LAMA2: variants seen among roughly 807,000 people sequenced by gnomAD.
The protein encoded by LAMA2 is laminin subunit alpha-2.
In LAMA2, 269 loss-of-function variants were observed where a neutral mutation model predicts 364.8. The ratio of observed to expected loss-of-function variants is 0.74; its 90% confidence interval spans 0.67 to 0.82. LAMA2 has a LOEUF of 0.82. LAMA2 is among the 40% of genes least tolerant of loss of function. The probability of loss-of-function intolerance (pLI) is 0.00; values close to 1 mark genes in which losing one functional copy is unlikely to be tolerated. For synonymous variants in LAMA2, 1,379 were observed against 1,370.6 expected, an observed-to-expected ratio of 1.01 and a Z score of -0.14; for missense variants, 3,807 against 3,873.2, an observed-to-expected ratio of 0.98 and a Z score of 0.45.
At position 129,050,077 on chromosome 6, in the gene LAMA2, G is replaced by C; in HGVS notation, c.272G>C (p.Ser91Thr). Residue 91 changes from serine to threonine, a missense_variant, in exon 2 of 65, where the codon AGC becomes ACC. Transcript: ENST00000421865. ...TGTCGAATCTGCAATCAAAACAGCA[G>C]CAATCCAAACCGTATGTATTTTAGT... Reference protein sequence around the residue: ...PQCRICNQNSSNPNQRHPITN... With the variant: ...PQCRICNQNSTNPNQRHPITN... 2 of 1,614,154 alleles carry C rather than the reference G, an allele frequency of 1.2e-6. No homozygotes were observed. Among genetic ancestry groups the C allele is most frequent in the Non-Finnish European group, 1.7e-6 (2 of 1,180,016 alleles).
At chr6:129,449,557 G>A (rs1782560074) in intron 45 of LAMA2, among the ~76,000 whole-genome samples, 1 of 152,132 alleles carries the variant, frequency 6.6e-6, no homozygotes, top group African/African-American at 2.4e-5. Flanking sequence ...TAAATTTCAA[G>A]CAAATGAATT....
At chr6:129,142,006 G>A (rs1055336854) in intron 4 of LAMA2, among the ~76,000 whole-genome samples, 2 of 152,060 alleles carry the variant, frequency 1.3e-5, no homozygotes, top group African/African-American at 4.8e-5. Context: ...TACAAAAATA[G>A]TGTAAGTATG....
At position 129,190,266 on chromosome 6, in the gene LAMA2, A is replaced by T; in HGVS notation, c.1529A>T (p.Asp510Val). Residue 510 changes from aspartate (D) to valine (V), a missense_variant, in exon 11 of 65, where the codon GAT becomes GTT. Physicochemically the swap from Asp to Val is radical, Grantham distance 152 (BLOSUM62 -3). Transcript: ENST00000421865. ...CKSGFFNLQE[D>V]NWKGCDECFC... ...TCCGGCTTCTTCAATTTGCAAGAGG[A>T]TAATTGGAAAGGCTGCGATGAGTGT... 6.2e-7 allele frequency: 1 copy of T among 1,613,712 alleles called. No homozygotes were observed. Among genetic ancestry groups the T allele is most frequent in the South Asian group, 1.1e-5 (1 of 91,074 alleles).
intron 29 of LAMA2, 123 bp from the exon 30 acceptor site, chr6:129,342,218 AGT>A (rs908524600): frequency 2.8e-4 from 203 of 729,378 alleles, no homozygotes; most frequent in East Asian, 3.1e-4. Context: ...TGTGTGTGTG[AGT>A]GTGTGTGTGT....
At position 129,098,214 on chromosome 6, in the gene LAMA2, C is replaced by A. The variant is rs1292912326; in HGVS notation, c.438C>A (p.Ser146=). 6.2e-7 allele frequency: 1 copy of A among 1,614,014 alleles called. No homozygotes were observed. Among genetic ancestry groups the A allele is most frequent in the East Asian group, 2.2e-5 (1 of 44,866 alleles). ...IAYVIVKAAN[S]PRPGNWILER... is the part of the protein sequence containing the mutation. Reference sequence around the variant, plus strand: ...ATGTGATTGTGAAGGCAGCTAACTCCCCCCGGCCTGGAAACTGGATTTTGG... The same window carrying A: ...ATGTGATTGTGAAGGCAGCTAACTCACCCCGGCCTGGAAACTGGATTTTGG... Residue 146 remains serine (S), a synonymous_variant, in exon 4 of 65, where the codon TCC becomes TCA. Coordinates refer to ENST00000421865, the MANE Select transcript of LAMA2 (RefSeq NM_000426.4).
chr6:128,917,706 T>TTCTTTCTTTCTTTC (rs1778418237), intron 1 of LAMA2, among the ~76,000 whole-genome samples: 3 of 98,364 alleles, frequency 3.0e-5, no homozygotes, highest in African/African-American at 1.2e-4. Flanking sequence ...TTTCTTTTTT[T>TTCTTTCTTTCTTTC]TTTCTTTCTT....
At chr6:129,486,199 A>G (rs1308912098) in intron 55 of LAMA2, among the ~76,000 whole-genome samples, 1 of 152,218 alleles carries the variant, frequency 6.6e-6, no homozygotes, top group East Asian at 1.9e-4. Context: ...TTAGAGGACC[A>G]ACGCAAGCAC....
At chr6:129,185,467 G>C (rs1012794395) in intron 10 of LAMA2, among the ~76,000 whole-genome samples, 3 of 151,722 alleles carry the variant, frequency 2.0e-5, no homozygotes, top group South Asian at 2.1e-4. Context: ...TTGTAGCGTA[G>C]GCCACAACAT....
At chr6:129,227,798 C>G (rs986792319) in intron 12 of LAMA2, among the ~76,000 whole-genome samples, 8 of 152,160 alleles carry the variant, frequency 5.3e-5, no homozygotes, top group African/African-American at 1.7e-4. Context: ...AGGAGGCAGT[C>G]TGTTCATTCT....
intron 1 of LAMA2, 41 bp from the exon 2 acceptor site, chr6:129,049,877 T>A: frequency 6.4e-7 from 1 of 1,574,496 alleles, no homozygotes; most frequent in Non-Finnish European, 8.7e-7. Flanking sequence ...ATCCTAACTT[T>A]GTTTCTGGTC....
intron 1 of LAMA2, among the ~76,000 whole-genome samples, chr6:129,049,224 C>CT (rs1357797008): frequency 2.6e-5 from 4 of 151,838 alleles, no homozygotes; most frequent in Admixed American, 2.0e-4. Context: ...AAAAATCTCC[C>CT]CAGCCCTACA....
Position 129,049,978 on chromosome 6 carries a change from G to A in LAMA2, c.173G>A (p.Cys58Tyr). The change falls in exon 2 of 65, where the codon TGT becomes TAT. Residue 58 changes from cysteine (C) to tyrosine (Y), a missense_variant. Transcript: ENST00000421865. ...GCTCTTATCACGACCAATGCAACAT[G>A]TGGAGAAAAAGGACCTGAAATGTAC... is the stretch of plus-strand genomic sequence containing the variant. ...SNALITTNATCGEKGPEMYCK... is the reference protein window; with the variant it reads ...SNALITTNATYGEKGPEMYCK... 1 of 1,613,924 alleles carries A rather than the reference G, an allele frequency of 6.2e-7. No homozygotes were observed.
intron 27 of LAMA2, among the ~76,000 whole-genome samples, chr6:129,319,990 G>A (rs1774852699): frequency 6.6e-6 from 1 of 151,990 alleles, no homozygotes. Flanking sequence ...ATAATTAGCT[G>A]GGCGTGGTGT....
intron 18 of LAMA2, among the ~76,000 whole-genome samples, chr6:129,284,215 G>A (rs188615190): frequency 3.8e-4 from 53 of 138,052 alleles, no homozygotes; most frequent in African/African-American, 1.4e-3. Flanking sequence ...TTATACAGCA[G>A]CCACCCTCTT....
At chr6:129,236,030 T>A (rs1443940618) in intron 12 of LAMA2, among the ~76,000 whole-genome samples, 1 of 152,192 alleles carries the variant, frequency 6.6e-6, no homozygotes, top group African/African-American at 2.4e-5. Flanking sequence ...AACACTTCAT[T>A]AAAGTCATAT....
intron 12 of LAMA2, among the ~76,000 whole-genome samples, chr6:129,208,531 AAG>A (rs943724183): frequency 1.4e-5 from 2 of 144,022 alleles, no homozygotes; most frequent in South Asian, 2.2e-4. Context: ...AAAAGAAAGA[AAG>A]AGAGAAAGAA....
At chr6:129,351,345 T>G (rs193296578) in intron 31 of LAMA2, among the ~76,000 whole-genome samples, 51 of 152,314 alleles carry the variant, frequency 3.3e-4, no homozygotes, top group Admixed American at 5.9e-4. Flanking sequence ...TCCAGTAGTA[T>G]TTAATCGATA....
chr6:129,256,792 A>ATATATG (rs1277250119), intron 14 of LAMA2, among the ~76,000 whole-genome samples: 4 of 136,964 alleles, frequency 2.9e-5, no homozygotes, highest in African/African-American at 1.0e-4. Flanking sequence ...ATATATATAT[A>ATATATG]TATATATAGT....
intron 4 of LAMA2, among the ~76,000 whole-genome samples, chr6:129,123,562 A>G (rs1776935814): frequency 6.6e-6 from 1 of 152,180 alleles, no homozygotes; most frequent in South Asian, 2.1e-4. Flanking sequence ...TAGAAAAAGA[A>G]GGAAATCCTG....
Sources: allele counts gnomAD v4.1 joint callset (sites outside exome capture counted in the v4.1 genomes callset), GRCh38; gene constraint gnomAD v4.1.1; transcripts MANE v1.5; gene names NCBI Gene and HGNC (gene_info 2026-07-23, HGNC 2026-07-21).